The following IL20RB variants were observed in gnomAD, a reference collection of about 807,000 sequenced individuals.
IL20RB encodes the protein interleukin-20 receptor subunit beta.
IL20RB carries 21 observed loss-of-function variants against 33.3 expected under a neutral mutation model. The observed-to-expected ratio is 0.63, with a 90% CI of 0.45 to 0.91. IL20RB has a LOEUF of 0.91. Among genes scored for constraint, IL20RB ranks in the 40% least tolerant of loss-of-function variants. The pLI is 0.00. For synonymous variants in IL20RB, 147 were observed against 146.8 expected, an observed-to-expected ratio of 1.00 and a Z score of -0.01; for missense variants, 345 against 384.8, an observed-to-expected ratio of 0.90 and a Z score of 0.86.
At position 136,995,556 on chromosome 3, in the gene IL20RB, G is replaced by GGTAATA; in HGVS notation, c.825+2_825+7dup. Reference sequence around the variant, plus strand: ...CCGTGGTGGTCCTCCCAGACACCTTGGTAATAGAGTAGTTCTTTATTCCTT... The same window carrying GGTAATA: ...CCGTGGTGGTCCTCCCAGACACCTTGGTAATAGTAATAGAGTAGTTCTTTATTCCTT... On this transcript the variant is annotated inframe_insertion and splice_region_variant. Transcript: ENST00000329582. 6.2e-7 allele frequency: 1 copy of GGTAATA among 1,614,070 alleles called. No homozygotes were observed. Among genetic ancestry groups the GGTAATA allele is most frequent in the Non-Finnish European group, 8.5e-7 (1 of 1,179,994 alleles).
chr3:136,986,653 C>G (rs961024088), intron 3 of IL20RB: 1 of 456,634 alleles, frequency 2.2e-6, no homozygotes, highest in South Asian at 1.5e-5. Flanking sequence ...TGATGAGGGA[C>G]GCGATGGGGA....
chr3:136,990,773 G>C (rs1295971634), intron 4 of IL20RB, among the ~76,000 whole-genome samples: 1 of 152,176 alleles, frequency 6.6e-6, no homozygotes, highest in Non-Finnish European at 1.5e-5. Flanking sequence ...AGGGCTGTAG[G>C]TTGGGTAGCT....
chr3:136,972,384 T>G (rs1173171133), intron 1 of IL20RB, among the ~76,000 whole-genome samples: 1 of 152,230 alleles, frequency 6.6e-6, no homozygotes, highest in Non-Finnish European at 1.5e-5. Context: ...AGGATTGATA[T>G]TAATTCTTCT....
chr3:136,995,423 T>G lies in IL20RB; in HGVS notation c.692T>G (p.Ile231Ser). The change falls in exon 6 of 7, where the codon ATT becomes AGT. Residue 231 changes from isoleucine (I) to serine (S), a missense_variant. Physicochemically the swap from Ile to Ser is moderately radical, Grantham distance 142. Coordinates refer to ENST00000329582, the MANE Select transcript of IL20RB (RefSeq NM_144717.4). ...TATCTTTTGTTTCCAGGAGAGGCCA[T>G]TCCCCTGGTACTGGCCCTGTTTGCC... ...TECVEVQGEA[I>S]PLVLALFAFV... 1 of 1,614,076 alleles carries G rather than the reference T, an allele frequency of 6.2e-7. No individual in the cohort carries two copies. The highest frequency in any genetic ancestry group is 8.5e-7 in the Non-Finnish European group (1 of 1,179,978).
chr3:136,962,761 C>A (rs3097944), intron 1 of IL20RB, among the ~76,000 whole-genome samples: 67,366 of 125,830 alleles, frequency 0.54, 16,640 homozygotes, highest in East Asian at 0.77. Flanking sequence ...AAAAAAAAAA[C>A]AAAAAACTCA....
chr3:136,963,452 GTT>G (rs1418467407), intron 1 of IL20RB, among the ~76,000 whole-genome samples: 1 of 152,096 alleles, frequency 6.6e-6, no homozygotes. Flanking sequence ...CCAGCATTTA[GTT>G]TTGTAACTTT....
At chr3:136,977,137 A>G (rs1941637472) in intron 1 of IL20RB, among the ~76,000 whole-genome samples, 1 of 152,238 alleles carries the variant, frequency 6.6e-6, no homozygotes, top group South Asian at 2.1e-4. Context: ...GTGACTGTAT[A>G]TACATGATTT....
chr3:137,001,931 C>A (rs1942251317), intron 6 of IL20RB, among the ~76,000 whole-genome samples: 1 of 152,084 alleles, frequency 6.6e-6, no homozygotes, highest in African/African-American at 2.4e-5. Flanking sequence ...CCCCCAAGTC[C>A]ACCTCCTGAC....
intron 6 of IL20RB, among the ~76,000 whole-genome samples, chr3:136,998,209 T>G (rs1360325446): frequency 6.6e-6 from 1 of 151,388 alleles, no homozygotes; most frequent in African/African-American, 2.4e-5. Flanking sequence ...AATTTCACTT[T>G]AGTGACTTTT....
intron 1 of IL20RB, among the ~76,000 whole-genome samples, chr3:136,979,817 C>T (rs934936267): frequency 1.3e-5 from 2 of 152,192 alleles, no homozygotes; most frequent in Admixed American, 1.3e-4. Context: ...CCCATTTGGC[C>T]TTGTTGAGGG....
At chr3:136,972,038 G>A (rs760475023) in intron 1 of IL20RB, among the ~76,000 whole-genome samples, 3 of 152,120 alleles carry the variant, frequency 2.0e-5, no homozygotes, top group Non-Finnish European at 4.4e-5. Flanking sequence ...TCTGACCTGG[G>A]GTAAGATGAC....
intron 1 of IL20RB, among the ~76,000 whole-genome samples, chr3:136,978,454 C>G (rs746096720): frequency 6.6e-6 from 1 of 152,072 alleles, no homozygotes; most frequent in Admixed American, 6.6e-5. Flanking sequence ...TGTGAGCCAC[C>G]GCACCTGGCC....
At chr3:136,971,557 G>A (rs570656118) in intron 1 of IL20RB, among the ~76,000 whole-genome samples, 2 of 152,226 alleles carry the variant, frequency 1.3e-5, no homozygotes, top group Admixed American at 1.3e-4. Context: ...TGATAAAATC[G>A]TTTAGCTCCC....
chr3:136,999,557 A>AT (rs34743717), intron 6 of IL20RB, among the ~76,000 whole-genome samples: 82,076 of 142,462 alleles, frequency 0.58, 23,582 homozygotes, highest in East Asian at 0.86. Context: ...TTCTTCAGGT[A>AT]TTTTTTTTTT....
At chr3:136,959,633 G>A (rs936265991) in intron 1 of IL20RB, 1 of 152,174 alleles carries the variant, frequency 6.6e-6, no homozygotes, top group South Asian at 2.1e-4. Flanking sequence ...AATGACGCCC[G>A]TCTTATAAGT....
chr3:136,994,769 TG>T lies in IL20RB; in HGVS notation c.683-641del, dbSNP rs1228620177. 2.0e-5 allele frequency among the ~76,000 whole-genome samples: 3 copies of T among 152,304 alleles called. No individual in the cohort carries two copies. In the East Asian group the frequency reaches 5.8e-4, roughly 29 times the overall value. ...TGGAGCCAGTCCTACCTGGGTAACCTGGGGTAGCTCACTTAACCATTCTGAG... is the reference window on the plus strand; with the variant it reads ...TGGAGCCAGTCCTACCTGGGTAACCTGGGTAGCTCACTTAACCATTCTGAG... On this transcript the variant is annotated intron_variant, in intron 5 of 6. Transcript: ENST00000329582.
chr3:136,987,615 G>A (rs2108205519), intron 3 of IL20RB, among the ~76,000 whole-genome samples: 1 of 152,306 alleles, frequency 6.6e-6, no homozygotes, highest in African/African-American at 2.4e-5. Flanking sequence ...GTGGTCGATG[G>A]GACTGGGCGC....
chr3:137,003,021 T>C (rs201496391), intron 6 of IL20RB, among the ~76,000 whole-genome samples: 1 of 152,224 alleles, frequency 6.6e-6, no homozygotes, highest in Non-Finnish European at 1.5e-5. Flanking sequence ...ATTTATTAAA[T>C]AGGGAATCCT....
At chr3:136,964,295 T>C (rs1209995734) in intron 1 of IL20RB, among the ~76,000 whole-genome samples, 1 of 87,858 alleles carries the variant, frequency 1.1e-5, no homozygotes, top group Non-Finnish European at 2.2e-5. Flanking sequence ...GTTGAACTAG[T>C]TTACAGTCCC....
Sources: allele counts gnomAD v4.1 joint callset (sites outside exome capture counted in the v4.1 genomes callset), GRCh38; gene constraint gnomAD v4.1.1; transcripts MANE v1.5; gene names NCBI Gene and HGNC (gene_info 2026-07-23, HGNC 2026-07-21).